Variants in TP63 observed in about 807,000 individuals in gnomAD.
The protein encoded by TP63 is tumor protein 63.
In TP63, 17 loss-of-function variants were observed where a neutral mutation model predicts 82.8. That is an observed-to-expected ratio of 0.21 (90% CI 0.14 to 0.31). TP63 has a LOEUF of 0.31. Ranked by LOEUF, TP63 falls within the 10% of genes least tolerant of loss-of-function variation. TP63 has a pLI of 1.00. For synonymous variants in TP63, 330 were observed against 321.7 expected (o/e 1.03, Z -0.28); for missense variants, 648 against 895.3 (o/e 0.72, Z 3.52).
At chr3:189,730,439 A>G (rs1720079672) in intron 1 of TP63, among the ~76,000 whole-genome samples, 1 of 152,238 alleles carries the variant, frequency 6.6e-6, no homozygotes. Context: ...AAAAAGAAAT[A>G]TTCCTCTTAA....
At chr3:189,785,422 C>T (rs142087256) in intron 3 of TP63, among the ~76,000 whole-genome samples, 9 of 152,014 alleles carry the variant, frequency 5.9e-5, no homozygotes, top group African/African-American at 1.9e-4. Context: ...TTGAGGAGAG[C>T]GTTAAGTATA....
At chr3:189,819,443 C>A (rs892960916) in intron 4 of TP63, among the ~76,000 whole-genome samples, 3 of 152,226 alleles carry the variant, frequency 2.0e-5, no homozygotes, top group South Asian at 2.1e-4. Flanking sequence ...ATCCCTCCCC[C>A]CTTCCCTCAC....
At chr3:189,692,691 G>A (rs192684639) in intron 1 of TP63, among the ~76,000 whole-genome samples, 56 of 152,290 alleles carry the variant, frequency 3.7e-4, no homozygotes, top group Admixed American at 2.5e-3. Context: ...GGGGAAACAG[G>A]ATGGTCATCA....
At chr3:189,700,370 A>G (rs573413829) in intron 1 of TP63, among the ~76,000 whole-genome samples, 51 of 152,314 alleles carry the variant, frequency 3.3e-4, no homozygotes, top group African/African-American at 1.2e-3. Context: ...GCCTTACTCT[A>G]GGTCAGTCCC....
At chr3:189,647,706 C>CCAAATTAT (rs1712539973) in intron 1 of TP63, among the ~76,000 whole-genome samples, 1 of 146,230 alleles carries the variant, frequency 6.8e-6, no homozygotes, top group African/African-American at 2.6e-5. Context: ...AAGACCGAAG[C>CCAAATTAT]CAAATTATCA....
At chr3:189,705,795 A>G (rs1471275446) in intron 1 of TP63, among the ~76,000 whole-genome samples, 1 of 152,162 alleles carries the variant, frequency 6.6e-6, no homozygotes, top group Non-Finnish European at 1.5e-5. Context: ...AAAAGGTAGA[A>G]AGGAACACTG....
At chr3:189,829,949 A>G (rs1300192290) in intron 4 of TP63, 2 of 358,606 alleles carry the variant, frequency 5.6e-6, no homozygotes, top group Non-Finnish European at 1.1e-5. Context: ...TCTGATATAC[A>G]ATATTTTCTT....
chr3:189,819,192 A>G (rs962029650), intron 4 of TP63, among the ~76,000 whole-genome samples: 1 of 152,186 alleles, frequency 6.6e-6, no homozygotes, highest in Non-Finnish European at 1.5e-5. Flanking sequence ...TCTCTTTTTG[A>G]ACTAAGACAC....
intron 10 of TP63, chr3:189,880,118 A>G: frequency 6.2e-7 from 1 of 1,613,940 alleles, no homozygotes; most frequent in Non-Finnish European, 8.5e-7. Flanking sequence ...GAGAAACTCC[A>G]AAACAATCTG....
At chr3:189,835,132 G>T (rs1450805842) in intron 4 of TP63, among the ~76,000 whole-genome samples, 2 of 152,012 alleles carry the variant, frequency 1.3e-5, no homozygotes, top group East Asian at 3.9e-4. Flanking sequence ...CACATATAAA[G>T]CTCTAGAGTT....
intron 4 of TP63, among the ~76,000 whole-genome samples, chr3:189,861,172 G>A (rs373406622): frequency 1.3e-5 from 2 of 152,100 alleles, no homozygotes; most frequent in Non-Finnish European, 2.9e-5. Context: ...AAAGTGCTGG[G>A]ATTACAGGCA....
chr3:189,614,360 C>T, the TP63 span, among the ~76,000 whole-genome samples: 1 of 152,080 alleles, frequency 6.6e-6, no homozygotes, highest in Admixed American at 6.5e-5. Context: ...CTTTTTGCCT[C>T]CTGCCATGAT....
intron 12 of TP63, among the ~76,000 whole-genome samples, chr3:189,890,289 G>A (rs1480827186): frequency 6.6e-6 from 1 of 152,156 alleles, no homozygotes; most frequent in Non-Finnish European, 1.5e-5. Context: ...CAAAAGGAAG[G>A]GGATCTGTAT....
intron 1 of TP63, among the ~76,000 whole-genome samples, chr3:189,646,342 A>T (rs1287252732): frequency 1.4e-5 from 2 of 146,942 alleles, no homozygotes. Context: ...TTACAAATGC[A>T]TAGGAAGTGA....
At chr3:189,891,842 G>T (rs573389079) in intron 13 of TP63, among the ~76,000 whole-genome samples, 1 of 152,232 alleles carries the variant, frequency 6.6e-6, no homozygotes, top group South Asian at 2.1e-4. Context: ...GGGTACTTTG[G>T]ACTGCGGGAA....
chr3:189,677,454 A>G (rs1456149080), intron 1 of TP63, among the ~76,000 whole-genome samples: 1 of 149,348 alleles, frequency 6.7e-6, no homozygotes, highest in Non-Finnish European at 1.5e-5. Context: ...ACACACATAT[A>G]TATACACATA....
At chr3:189,872,560 G>A (rs1234403120) in intron 9 of TP63, among the ~76,000 whole-genome samples, 1 of 151,972 alleles carries the variant, frequency 6.6e-6, no homozygotes, top group Non-Finnish European at 1.5e-5. Flanking sequence ...TGTAAAACAC[G>A]TGGCGCTAAA....
intron 3 of TP63, among the ~76,000 whole-genome samples, chr3:189,741,506 G>T (rs190698065): frequency 6.6e-6 from 1 of 151,994 alleles, no homozygotes; most frequent in African/African-American, 2.4e-5. Flanking sequence ...TCTTTTCCAC[G>T]TATAGGTTAA....
At chr3:189,616,582 A>T in the TP63 span, among the ~76,000 whole-genome samples, 1 of 152,162 alleles carries the variant, frequency 6.6e-6, no homozygotes, top group African/African-American at 2.4e-5. Flanking sequence ...GCAGTGGGTA[A>T]TAGGGATATT....
Sources: allele counts gnomAD v4.1 joint callset (sites outside exome capture counted in the v4.1 genomes callset), GRCh38; gene constraint gnomAD v4.1.1; transcripts MANE v1.5; gene names NCBI Gene and HGNC (gene_info 2026-07-23, HGNC 2026-07-21).